Variants in TRAPPC12 observed in about 807,000 individuals in gnomAD.
TRAPPC12 encodes TPR repeat protein 15.
TRAPPC12 carries 61 observed loss-of-function variants against 69.2 expected under a neutral mutation model. The ratio of observed to expected loss-of-function variants is 0.88; its 90% CI spans 0.72 to 1.09. The LOEUF is 1.09. Among genes scored for constraint, TRAPPC12 ranks in the 50% least tolerant of loss-of-function variants. The pLI is 0.00. For missense variants in TRAPPC12, 1,101 were observed against 1,016.4 expected (o/e 1.08, Z -1.13); for synonymous variants, 469 against 438.9 (o/e 1.07, Z -0.86).
intron 9 of TRAPPC12, among the ~76,000 whole-genome samples, chr2:3,476,844 G>A (rs1666313055): frequency 6.6e-6 from 1 of 152,220 alleles, no homozygotes; most frequent in South Asian, 2.1e-4. Context: ...TTAAGTTTCT[G>A]CTGCTGCCAT....
At chr2:3,449,738 C>T (rs1338517841) in intron 6 of TRAPPC12, among the ~76,000 whole-genome samples, 1 of 152,134 alleles carries the variant, frequency 6.6e-6, no homozygotes, top group Non-Finnish European at 1.5e-5. Flanking sequence ...AGGGCCTGGC[C>T]ACCCGCACAC....
intron 6 of TRAPPC12, chr2:3,457,184 T>A (rs1409168273): frequency 2.2e-6 from 1 of 458,536 alleles, no homozygotes. Flanking sequence ...TTATCCTAAG[T>A]GAATTAACAC....
intron 1 of TRAPPC12, among the ~76,000 whole-genome samples, chr2:3,384,498 T>C (rs1176476391): frequency 6.6e-6 from 1 of 152,200 alleles, no homozygotes; most frequent in East Asian, 1.9e-4. Context: ...CTGTTGCTAG[T>C]TTGCTGACAG....
chr2:3,462,373 AAGG>A (rs1315204277), intron 8 of TRAPPC12, among the ~76,000 whole-genome samples: 1 of 152,250 alleles, frequency 6.6e-6, no homozygotes, highest in East Asian at 1.9e-4. Flanking sequence ...GAGTTAAAAA[AAGG>A]AGGCAAAAAT....
intron 1 of TRAPPC12, among the ~76,000 whole-genome samples, chr2:3,382,059 AT>A: frequency 1.3e-5 from 2 of 149,178 alleles, no homozygotes; most frequent in Admixed American, 1.3e-4. Flanking sequence ...CTATTTTAAT[AT>A]TTTATGTCCT....
At chr2:3,477,937 A>C (rs1280424587) in intron 10 of TRAPPC12, 142 bp downstream of exon 10, 1 of 537,690 alleles carries the variant, frequency 1.9e-6, no homozygotes, top group East Asian at 3.0e-5. Flanking sequence ...GCGGAGACCC[A>C]AGGAGTATAC....
chr2:3,388,285 C>A lies in TRAPPC12; in HGVS notation c.662C>A (p.Ser221Ter). The A allele has an allele frequency of 6.2e-7, 1 of 1,607,772 alleles. No individual in the cohort carries two copies. The highest frequency in any genetic ancestry group is 8.5e-7 in the Non-Finnish European group (1 of 1,177,076). Residue 221 changes from serine (S) to a stop codon, truncating the protein, a stop_gained, in exon 2 of 12, where the codon TCG (serine) becomes TAG (stop). Coordinates refer to ENST00000324266, the MANE Select transcript of TRAPPC12 (RefSeq NM_016030.6). LOFTEE classifies it high-confidence loss of function. ...GDTAASHSLA[S>*]DFFDSFTTSA... ...ACGGCCGCCAGCCACTCCTTGGCCT[C>A]GGACTTCTTCGACTCCTTTACTACC...
At chr2:3,436,450 G>T (rs1010604768) in intron 5 of TRAPPC12, among the ~76,000 whole-genome samples, 38 of 152,066 alleles carry the variant, frequency 2.5e-4, no homozygotes, top group African/African-American at 8.9e-4. Flanking sequence ...CAGAAAAATC[G>T]AGTAGAGAGT....
intron 3 of TRAPPC12, among the ~76,000 whole-genome samples, chr2:3,410,187 A>T (rs545416369): frequency 2.0e-5 from 3 of 152,248 alleles, no homozygotes; most frequent in African/African-American, 7.2e-5. Flanking sequence ...TAAATTGCTC[A>T]CTCTAATAGT....
Position 3,460,253 on chromosome 2 carries a change from T to C in TRAPPC12, c.1604-10T>C. ...TATTTGTGCACTTACAGGCTGCTCTTACCTTGTAGCCTCTATCCGGCTGTG... is the reference window on the plus strand; with the variant it reads ...TATTTGTGCACTTACAGGCTGCTCTCACCTTGTAGCCTCTATCCGGCTGTG... On this transcript the variant is annotated splice_polypyrimidine_tract_variant and intron_variant, in intron 7 of 11. Coordinates refer to ENST00000324266, the MANE Select transcript of TRAPPC12 (RefSeq NM_016030.6). 3 of 873,238 alleles carry C rather than the reference T, an allele frequency of 3.4e-6. No homozygotes were observed. The highest frequency in any genetic ancestry group is 6.0e-6 in the Non-Finnish European group (3 of 501,846). The allele number at this position is 873,238 out of a possible 1,614,324, so 54.1% of individuals were successfully genotyped here.
At chr2:3,412,670 G>A (rs987035119) in intron 3 of TRAPPC12, among the ~76,000 whole-genome samples, 1 of 152,300 alleles carries the variant, frequency 6.6e-6, no homozygotes. Context: ...AGGGCTCGGC[G>A]ACACAGAGCG....
chr2:3,399,835 A>G (rs939256904), intron 2 of TRAPPC12, among the ~76,000 whole-genome samples: 1 of 150,142 alleles, frequency 6.7e-6, no homozygotes, highest in Non-Finnish European at 1.5e-5. Flanking sequence ...CGCCGCCAAA[A>G]AAAAAAGGGT....
chr2:3,396,498 A>G (rs978419604), intron 2 of TRAPPC12, among the ~76,000 whole-genome samples: 3 of 151,984 alleles, frequency 2.0e-5, no homozygotes, highest in African/African-American at 7.3e-5. Context: ...ATTTTTGTCA[A>G]TTTGGGGAAA....
Position 3,451,706 on chromosome 2 carries a change from T to C in TRAPPC12, c.1531-5915T>C, listed in dbSNP as rs113245033. Among the ~76,000 whole-genome samples, 1,332 of 152,148 alleles carry C rather than the reference T, an allele frequency of 8.8e-3. 31 individuals are homozygous for C. Among genetic ancestry groups the C allele is most frequent in the African/African-American group, 0.03 (1,247 of 41,484 alleles). On this transcript the variant is annotated intron_variant, in intron 6 of 11. Coordinates refer to ENST00000324266, the MANE Select transcript of TRAPPC12 (RefSeq NM_016030.6). ...GCCTGGCTAATTTTTAAACTTTTTGTAGAGATAGGGTCTCACTCTGTTGCC... is the reference window on the plus strand; with the variant it reads ...GCCTGGCTAATTTTTAAACTTTTTGCAGAGATAGGGTCTCACTCTGTTGCC...
At chr2:3,451,945 G>A (rs983273172) in intron 6 of TRAPPC12, among the ~76,000 whole-genome samples, 2 of 152,216 alleles carry the variant, frequency 1.3e-5, no homozygotes, top group Non-Finnish European at 2.9e-5. Context: ...GGATTTGCCT[G>A]TGTGTTGACC....
chr2:3,402,069 G>T (rs1661473921), intron 3 of TRAPPC12, among the ~76,000 whole-genome samples, 176 bp downstream of exon 3: 1 of 152,054 alleles, frequency 6.6e-6, no homozygotes, highest in Non-Finnish European at 1.5e-5. Flanking sequence ...ATTAATACAT[G>T]GATACTTTTA....
At chr2:3,383,871 GTTTTTTTTTTTTTTTTTTTTTTTTTTTT>G (rs34956958) in intron 1 of TRAPPC12, among the ~76,000 whole-genome samples, 1,266 of 85,594 alleles carry the variant, frequency 0.015, 46 homozygotes, top group African/African-American at 0.049. Context: ...GTTCAGTCTT[GTTTTTTTTTTTTTTTTTTTTTTTTTTTT>G]TTTTTTTTTT....
At chr2:3,390,923 A>G (rs1660790430) in intron 2 of TRAPPC12, among the ~76,000 whole-genome samples, 1 of 152,212 alleles carries the variant, frequency 6.6e-6, no homozygotes, top group Non-Finnish European at 1.5e-5. Flanking sequence ...TCCTCTGATC[A>G]TTGGTGAATA....
At chr2:3,436,841 CCCCAGGATTAATACCCCATCA>C in intron 5 of TRAPPC12, among the ~76,000 whole-genome samples, 1 of 122,616 alleles carries the variant, frequency 8.2e-6, no homozygotes, top group East Asian at 2.8e-4. Flanking sequence ...TACCCCATCA[CCCCAGGATTAATACCCCATCA>C]CCCCTGGATT....
Sources: gnomAD v4.1 joint callset for allele counts (sites outside exome capture counted in the v4.1 genomes callset) on GRCh38, gnomAD v4.1.1 for gene constraint, MANE v1.5 for transcripts, NCBI Gene and HGNC (gene_info 2026-07-23, HGNC 2026-07-21) for gene names.